HIPK1: variants seen among roughly 807,000 people sequenced by gnomAD.
The protein encoded by HIPK1 is homeodomain interacting protein kinase 1.
HIPK1 carries 28 observed loss-of-function variants against 117.1 expected under a neutral mutation model. The ratio of observed to expected loss-of-function variants is 0.24; its 90% confidence interval spans 0.18 to 0.33. The LOEUF is 0.33. Among genes scored for constraint, HIPK1 ranks in the 10% least tolerant of loss-of-function variants. The pLI, the probability that HIPK1 is intolerant of heterozygous loss-of-function variation, is 1.00. For synonymous variants in HIPK1, 605 were observed against 562.5 expected, an observed-to-expected ratio of 1.08 and a Z score of -1.07; for missense variants, 1,122 against 1,475.1, an observed-to-expected ratio of 0.76 and a Z score of 3.92.
intron 2 of HIPK1, among the ~76,000 whole-genome samples, chr1:113,947,406 C>T (rs1671056744): frequency 6.6e-6 from 1 of 152,196 alleles, no homozygotes; most frequent in African/African-American, 2.4e-5. Flanking sequence ...GAAAACGTAT[C>T]TTCCATTTAT....
chr1:113,938,994 A>G (rs1282307531), intron 1 of HIPK1, among the ~76,000 whole-genome samples: 1 of 150,630 alleles, frequency 6.6e-6, no homozygotes, highest in Admixed American at 6.7e-5. Flanking sequence ...GATAGAGATT[A>G]GATGTGGAGG....
intron 10 of HIPK1, 38 bp from the exon 11 acceptor site, chr1:113,966,092 A>G (rs1672428040): frequency 6.3e-7 from 1 of 1,582,654 alleles, no homozygotes; most frequent in Middle Eastern, 1.7e-4. Context: ...CCAAGAATGA[A>G]TCAAGTCTGG....
rs1329908126 is a variant in HIPK1, at chr1:113,941,301, C to T, written c.918C>T (p.Leu306=). The stretch of plus-strand genomic sequence containing the variant: ...AGGTGGCCACAGCCTTGATGAAGCT[C>T]AAGAGTCTTGGTCTGATCCACGCTG... ...LQQVATALMK[L]KSLGLIHADL... Residue 306 remains leucine, a synonymous_variant, in exon 2 of 16, where the codon CTC becomes CTT. Coordinates refer to ENST00000426820, the MANE Select transcript of HIPK1 (RefSeq NM_198268.3). The surrounding 1 kb of genome is among the most constrained non-coding windows in gnomAD (Gnocchi z 4.9). 2 of 1,614,206 alleles carry T rather than the reference C, an allele frequency of 1.2e-6. No individual in the cohort carries two copies. Among genetic ancestry groups the T allele is most frequent in the Non-Finnish European group, 1.7e-6 (2 of 1,180,034 alleles).
rs1459773114 is a variant in HIPK1 at position 113,974,921 on chromosome 1, T to G, written c.*1409T>G. The G allele has an allele frequency of 1.3e-5, 2 of 152,780 alleles. No individual in the cohort carries two copies. Among genetic ancestry groups the G allele is most frequent in the Non-Finnish European group, 2.9e-5 (2 of 68,032 alleles). 9.5% of individuals were successfully genotyped at this position (152,780 alleles called of 1,614,324 possible). A position where few individuals can be genotyped will look rare whatever the true frequency, so the allele number is the denominator to read the frequency against. ...GTGTTATCCCGGAGATGGATTGATG[T>G]CTCCATTGTATTTAAACCAAAATGA... On this transcript the variant is annotated 3_prime_UTR_variant, in exon 16 of 16. Transcript: ENST00000426820.
Position 113,940,872 on chromosome 1 carries a change from C to G in HIPK1, c.489C>G (p.Thr163=). Reference sequence around the variant, plus strand: ...CTGCTGCCACAACCACCACTGTGACCACAAAGAGTAGCAGTTCCAGCGGAG... The same window carrying G: ...CTGCTGCCACAACCACCACTGTGACGACAAAGAGTAGCAGTTCCAGCGGAG... ...VGAAATTTTV[T]TKSSSSSGEG... is the part of the protein sequence containing the mutation. Residue 163 remains threonine (T), a synonymous_variant, in exon 2 of 16, where the codon ACC becomes ACG. Coordinates refer to ENST00000426820, the MANE Select transcript of HIPK1 (RefSeq NM_198268.3). The G allele has an allele frequency of 1.9e-6, 3 of 1,614,086 alleles. No individual in the cohort carries two copies. The highest frequency in any genetic ancestry group is 2.5e-6 in the Non-Finnish European group (3 of 1,180,026).
At chr1:113,957,662 G>A (rs1671814166) in intron 7 of HIPK1, among the ~76,000 whole-genome samples, 2 of 152,090 alleles carry the variant, frequency 1.3e-5, no homozygotes, top group African/African-American at 4.8e-5. Context: ...TTTAAGGGTG[G>A]TTTTGCATTT....
chr1:113,972,645 T>C (rs777652957), intron 15 of HIPK1, among the ~76,000 whole-genome samples: 55 of 152,142 alleles, frequency 3.6e-4, no homozygotes, highest in Non-Finnish European at 4.4e-4. Flanking sequence ...ATGAAGAACT[T>C]AGAGGACGAA....
At chr1:113,944,074 C>T (rs549380239) in intron 2 of HIPK1, among the ~76,000 whole-genome samples, 3 of 151,834 alleles carry the variant, frequency 2.0e-5, no homozygotes, top group African/African-American at 7.2e-5. Context: ...AAGCCATCCT[C>T]CTGCCTCAGT....
intron 2 of HIPK1, among the ~76,000 whole-genome samples, chr1:113,945,883 A>C (rs901969968): frequency 6.6e-6 from 1 of 152,098 alleles, no homozygotes; most frequent in African/African-American, 2.4e-5. Context: ...TTATACAAAA[A>C]CCATAATTGC....
Position 113,975,515 on chromosome 1 carries a change from G to T in HIPK1, c.*2003G>T, listed in dbSNP as rs1170172988. ...AAGTATGTGCAATCACTTTTAGAAT[G>T]AATTTTTTTTTCCTTTTCCCATGTG... On this transcript the variant is annotated 3_prime_UTR_variant, in exon 16 of 16. Transcript: ENST00000426820. The T allele has an allele frequency of 6.6e-6, 1 of 152,650 alleles. No individual in the cohort carries two copies. The highest frequency in any genetic ancestry group is 1.5e-5 in the Non-Finnish European group (1 of 68,004). The allele number at this position is 152,650 out of a possible 1,614,324, so 9.5% of individuals were successfully genotyped here.
At position 113,940,505 on chromosome 1, in the gene HIPK1, A is replaced by G; in HGVS notation, c.122A>G (p.Lys41Arg). 1.2e-6 allele frequency: 2 copies of G among 1,614,142 alleles called. No individual in the cohort carries two copies. The highest frequency in any genetic ancestry group is 1.3e-5 in the African/African-American group (1 of 75,024). ...GTTTCAGGACAGAGTAGCAACGACAAATATTATACCCACAGCAAAACCCTC... is the reference window on the plus strand; with the variant it reads ...GTTTCAGGACAGAGTAGCAACGACAGATATTATACCCACAGCAAAACCCTC... ...WDVSGQSSND[K>R]YYTHSKTLPA... is the part of the protein sequence containing the mutation. The change falls in exon 2 of 16, where the codon AAA becomes AGA. Residue 41 changes from lysine (K) to arginine (R), a missense_variant. Around this residue, in one of 6 missense-constraint regions of HIPK1, gnomAD observed 192 missense variants for 234.0 expected, o/e 0.82. Coordinates refer to ENST00000426820, the MANE Select transcript of HIPK1 (RefSeq NM_198268.3).
intron 2 of HIPK1, among the ~76,000 whole-genome samples, chr1:113,943,332 C>T (rs758196666): frequency 6.6e-6 from 1 of 152,188 alleles, no homozygotes; most frequent in Non-Finnish European, 1.5e-5. Context: ...GACTTTCTGT[C>T]TCTATGAATT....
At position 113,973,041 on chromosome 1, in the gene HIPK1, G is replaced by C. The variant is rs748336186; in HGVS notation, c.3162G>C (p.Ala1054=). The change falls in exon 16 of 16, where the codon GCG becomes GCC. Residue 1054 remains alanine, a synonymous_variant. Coordinates refer to ENST00000426820, the MANE Select transcript of HIPK1 (RefSeq NM_198268.3). ...LNLSQNQQSS[A]APTSQERSSN... is the part of the protein sequence containing the mutation. ...TCTTCCAGAACCAGCAGTCATCGGC[G>C]GCTCCAACCTCACAGGAGAGAAGCA... The C allele has an allele frequency of 2.6e-6, 4 of 1,515,052 alleles. No individual in the cohort carries two copies. Among genetic ancestry groups the C allele is most frequent in the South Asian group, 1.3e-5 (1 of 74,832 alleles). 93.9% of individuals were successfully genotyped at this position (1,515,052 alleles called of 1,614,324 possible).
chr1:113,961,629 T>G (rs1672110854), intron 8 of HIPK1, among the ~76,000 whole-genome samples: 1 of 151,974 alleles, frequency 6.6e-6, no homozygotes, highest in African/African-American at 2.4e-5. Flanking sequence ...TAAAAACAAG[T>G]TTTTTTTCCA....
At position 113,973,305 on chromosome 1, in the gene HIPK1, T is replaced by C; in HGVS notation, c.3426T>C (p.Ala1142=). 1.9e-6 allele frequency: 3 copies of C among 1,614,160 alleles called. No homozygotes were observed. Among genetic ancestry groups the C allele is most frequent in the Non-Finnish European group, 2.5e-6 (3 of 1,180,004 alleles). ...LFSPQGSSRH[A]AAYTTHPSTL... ...CCCCACAGGGTTCCTCAAGGCATGC[T>C]GCAGCCTATACCACTCACCCTAGCA... is the stretch of plus-strand genomic sequence containing the variant. The change falls in exon 16 of 16, where the codon GCT becomes GCC. Residue 1142 remains alanine, a synonymous_variant. Transcript: ENST00000426820.
At chr1:113,972,512 T>C (rs992819694) in intron 15 of HIPK1, among the ~76,000 whole-genome samples, 6 of 152,210 alleles carry the variant, frequency 3.9e-5, no homozygotes, top group African/African-American at 1.4e-4. Flanking sequence ...TTCGAGTGCT[T>C]GTATGATGTC....
chr1:113,955,670 A>G lies in HIPK1; in HGVS notation c.1407+21A>G, dbSNP rs750516385. On this transcript the variant is annotated intron_variant, in intron 5 of 15. Transcript: ENST00000426820. ...CTCAGGTGAGTACGGAAAGTTTCAG[A>G]AAGTCAGACATTTATTTTTAATCAG... is the stretch of plus-strand genomic sequence containing the variant. 7 of 1,310,662 alleles carry G rather than the reference A, an allele frequency of 5.3e-6. No individual in the cohort carries two copies. In the Admixed American group the frequency reaches 1.3e-4, roughly 24 times the overall value. 81.2% of individuals were successfully genotyped at this position (1,310,662 alleles called of 1,614,324 possible).
chr1:113,943,295 T>C lies in HIPK1; in HGVS notation c.1076+1836T>C, dbSNP rs116516789. Among the ~76,000 whole-genome samples, 1,212 of 152,354 alleles carry C rather than the reference T, an allele frequency of 8.0e-3. 18 individuals are homozygous for C. Among genetic ancestry groups the C allele is most frequent in the Non-Finnish European group, 0.014 (935 of 68,026 alleles). ...TAAGCAATAACTCCCTATTCTCTCT[T>C]CTTCCTACCACTGGTAATCTTGATT... On this transcript the variant is annotated intron_variant, in intron 2 of 15. Coordinates refer to ENST00000426820, the MANE Select transcript of HIPK1 (RefSeq NM_198268.3).
intron 1 of HIPK1, among the ~76,000 whole-genome samples, chr1:113,930,335 A>T (rs1282175245): frequency 6.6e-6 from 1 of 152,050 alleles, no homozygotes; most frequent in African/African-American, 2.4e-5. Context: ...GCTTATCACC[A>T]TGGTTTTGGG....
Sources: gnomAD v4.1 joint callset for allele counts (sites outside exome capture counted in the v4.1 genomes callset) on GRCh38, gnomAD v4.1.1 for gene constraint, gnomAD v4.1.1 regional missense constraint, Gnocchi (gnomAD v3.1) non-coding constraint, MANE v1.5 for transcripts, NCBI Gene and HGNC (gene_info 2026-07-23, HGNC 2026-07-21) for gene names.